Variants in CNTN5 observed in about 807,000 individuals in gnomAD.
CNTN5 encodes the protein contactin 5.
In CNTN5, 77 loss-of-function variants were observed where a neutral mutation model predicts 129.1. The observed-to-expected ratio is 0.60, with a 90% confidence interval of 0.50 to 0.72. The LOEUF (loss-of-function observed/expected upper bound fraction) is 0.72, where lower values mean the gene tolerates loss of function less well. CNTN5 is among the 30% of genes least tolerant of loss of function. The pLI is 0.00. For missense variants in CNTN5, 1,478 were observed against 1,328.8 expected (o/e 1.11, Z -1.75); for synonymous variants, 509 against 465.6 (o/e 1.09, Z -1.20).
At chr11:99,401,771 A>G (rs1191240543) in intron 2 of CNTN5, among the ~76,000 whole-genome samples, 1 of 151,696 alleles carries the variant, frequency 6.6e-6, no homozygotes, top group Non-Finnish European at 1.5e-5. Context: ...AGTGTTTTAT[A>G]GTTTTCATTA....
chr11:99,642,024 T>C (rs1227175687), intron 3 of CNTN5, among the ~76,000 whole-genome samples: 2 of 152,158 alleles, frequency 1.3e-5, no homozygotes, highest in African/African-American at 2.4e-5. Context: ...AAGATTGAGA[T>C]GAAACCCACA....
chr11:99,658,750 C>G (rs140720238), intron 3 of CNTN5, among the ~76,000 whole-genome samples: 3 of 149,122 alleles, frequency 2.0e-5, no homozygotes, highest in East Asian at 3.9e-4. Context: ...TAGCCAGGCG[C>G]GGTGGCACAT....
intron 13 of CNTN5, among the ~76,000 whole-genome samples, chr11:100,087,288 G>A: frequency 6.6e-6 from 1 of 151,372 alleles, no homozygotes; most frequent in East Asian, 1.9e-4. Context: ...GACTCAAGAA[G>A]AATTGAAAAA....
intron 2 of CNTN5, among the ~76,000 whole-genome samples, chr11:99,551,302 T>G (rs879851577): frequency 8.5e-5 from 13 of 152,198 alleles, no homozygotes; most frequent in Admixed American, 3.3e-4. Flanking sequence ...AAGGCATATG[T>G]GAATTAAGTG....
At chr11:99,470,184 T>C (rs147663897) in intron 2 of CNTN5, among the ~76,000 whole-genome samples, 41 of 152,302 alleles carry the variant, frequency 2.7e-4, no homozygotes, top group African/African-American at 9.1e-4. Context: ...AGTTATTTCA[T>C]TGATATTTCA....
intron 13 of CNTN5, among the ~76,000 whole-genome samples, chr11:100,149,893 CAAAAAAAAAA>C (rs36016957): frequency 2.6e-4 from 30 of 117,112 alleles, no homozygotes; most frequent in African/African-American, 9.6e-4. Flanking sequence ...GACTCCATCT[CAAAAAAAAAA>C]AAAAGAAAAG....
At chr11:100,251,211 C>G (rs1949956019) in intron 16 of CNTN5, among the ~76,000 whole-genome samples, 1 of 152,136 alleles carries the variant, frequency 6.6e-6, no homozygotes, top group Non-Finnish European at 1.5e-5. Flanking sequence ...TAGCAGCTGA[C>G]AGGCCAGGCA....
intron 6 of CNTN5, among the ~76,000 whole-genome samples, chr11:99,908,018 T>A (rs1464701691): frequency 6.6e-6 from 1 of 152,098 alleles, no homozygotes; most frequent in Non-Finnish European, 1.5e-5. Context: ...CTGACAGTCA[T>A]AGGCTGTGAG....
chr11:99,541,096 G>T (rs1029356962), intron 2 of CNTN5, among the ~76,000 whole-genome samples: 4 of 152,074 alleles, frequency 2.6e-5, no homozygotes, highest in African/African-American at 9.7e-5. Flanking sequence ...CCTATATGAA[G>T]AATCGTAACA....
In CNTN5 at chr11:100,002,033, G is replaced by A; in HGVS notation, c.878-1G>A. The A allele has an allele frequency of 6.4e-7, 1 of 1,573,544 alleles. No individual in the cohort carries two copies. Among genetic ancestry groups the A allele is most frequent in the Non-Finnish European group, 8.6e-7 (1 of 1,159,184 alleles). On this transcript the variant is annotated splice_acceptor_variant, in intron 8 of 24. Transcript: ENST00000524871. LOFTEE classifies it high-confidence loss of function. ...CTTAAAGACTATTCTTTCTTTCTAA[G>A]GTGTGATGGGAGAATATGAGCCGAA...
intron 18 of CNTN5, among the ~76,000 whole-genome samples, chr11:100,272,698 C>T (rs1174497606): frequency 2.0e-5 from 3 of 152,030 alleles, no homozygotes; most frequent in Admixed American, 6.5e-5. Context: ...TGGGGGAAAA[C>T]GTTGGGACCC....
rs146032867 is a variant in CNTN5, at chr11:99,849,053, G to C, written c.577+3791G>C. ...ACTTGTTGAACAGTGTTTAATAAAC[G>C]TAGGATGGGGCTCTCCTAATTATAT... On this transcript the variant is annotated intron_variant, in intron 6 of 24. Transcript: ENST00000524871. Among the ~76,000 whole-genome samples, 1,206 of 152,046 alleles carry C rather than the reference G, an allele frequency of 7.9e-3. 17 individuals carry two copies. The highest frequency in any genetic ancestry group is 0.028 in the African/African-American group (1,150 of 41,496).
At chr11:99,214,382 T>A (rs915709118) in intron 1 of CNTN5, among the ~76,000 whole-genome samples, 7 of 136,126 alleles carry the variant, frequency 5.1e-5, no homozygotes, top group African/African-American at 1.6e-4. Flanking sequence ...ATATATATAT[T>A]ATATATGTAT....
At chr11:99,497,192 G>T (rs1946257988) in intron 2 of CNTN5, among the ~76,000 whole-genome samples, 1 of 152,184 alleles carries the variant, frequency 6.6e-6, no homozygotes, top group Non-Finnish European at 1.5e-5. Context: ...AACAATCCCA[G>T]ATGGGAAAAA....
At chr11:100,151,591 A>G (rs1290853909) in intron 13 of CNTN5, among the ~76,000 whole-genome samples, 3 of 152,132 alleles carry the variant, frequency 2.0e-5, no homozygotes, top group Non-Finnish European at 4.4e-5. Flanking sequence ...AGGTTTCCCT[A>G]CGTTAATTTG....
intron 3 of CNTN5, among the ~76,000 whole-genome samples, chr11:99,803,655 G>A (rs904693212): frequency 6.6e-6 from 1 of 152,152 alleles, no homozygotes; most frequent in African/African-American, 2.4e-5. Flanking sequence ...CCGTAAATTA[G>A]CTCTCTAAGT....
intron 2 of CNTN5, among the ~76,000 whole-genome samples, chr11:99,550,190 A>G (rs1404111796): frequency 1.3e-5 from 2 of 152,182 alleles, no homozygotes; most frequent in Non-Finnish European, 2.9e-5. Flanking sequence ...CACTTTGTCC[A>G]GGACACAAAA....
intron 17 of CNTN5, among the ~76,000 whole-genome samples, chr11:100,267,846 T>G (rs1197723769): frequency 6.6e-6 from 1 of 152,092 alleles, no homozygotes; most frequent in African/African-American, 2.4e-5. Context: ...GAGGGGTAAG[T>G]GAAGAGTGAC....
At chr11:99,699,609 A>G (rs1200837602) in intron 3 of CNTN5, among the ~76,000 whole-genome samples, 1 of 151,542 alleles carries the variant, frequency 6.6e-6, no homozygotes, top group Non-Finnish European at 1.5e-5. Flanking sequence ...CTAGCGAAGT[A>G]TTAAGTGTAT....
Sources: allele counts gnomAD v4.1 joint callset (sites outside exome capture counted in the v4.1 genomes callset), GRCh38; gene constraint gnomAD v4.1.1; transcripts MANE v1.5; gene names NCBI Gene and HGNC (gene_info 2026-07-23, HGNC 2026-07-21).